The following MTOR variants were observed in gnomAD, a reference collection of about 807,000 sequenced individuals.
The protein encoded by MTOR is mechanistic target of rapamycin kinase, also known as serine/threonine-protein kinase mTOR.
A neutral mutation model predicts 319.8 loss-of-function variants in MTOR; 70 were observed. The ratio of observed to expected loss-of-function variants is 0.22; its 90% CI spans 0.18 to 0.27. The LOEUF (loss-of-function observed/expected upper bound fraction) is 0.27. Ranked by LOEUF, MTOR falls within the 10% of genes least tolerant of loss-of-function variation. The pLI is 1.00. For synonymous variants in MTOR, 1,183 were observed against 1,211.4 expected, an observed-to-expected ratio of 0.98 and a Z score of 0.49; for missense variants, 1,890 against 3,274.4, an observed-to-expected ratio of 0.58 and a Z score of 10.32.
intron 34 of MTOR, 186 bp downstream of exon 34, chr1:11,144,462 C>T (rs974659993): frequency 5.6e-6 from 3 of 539,820 alleles, no homozygotes; most frequent in African/African-American, 3.8e-5. Flanking sequence ...ATTGGTCATT[C>T]TCTCACAGCT....
rs1362014595 is a variant in MTOR at position 11,106,741 on chromosome 1, T to C, written c.*744A>G. The C allele has an allele frequency of 5.7e-6, 7 of 1,235,574 alleles. No homozygotes were observed. Among genetic ancestry groups the C allele is most frequent in the South Asian group, 3.6e-5 (2 of 55,808 alleles). The allele number at this position is 1,235,574 out of a possible 1,614,324, so 76.5% of individuals were successfully genotyped here. A position where few individuals can be genotyped will look rare whatever the true frequency, so the allele number is the denominator to read the frequency against. ...GAGCCCTTGCTCTAAACAGAGTATT[T>C]TGACCACTGAAAACATCCCAGAACC... On this transcript the variant is annotated 3_prime_UTR_variant, in exon 58 of 58. Coordinates refer to ENST00000361445, the MANE Select transcript of MTOR (RefSeq NM_004958.4).
chr1:11,249,931 G>A (rs1336318130), intron 6 of MTOR, among the ~76,000 whole-genome samples: 1 of 150,918 alleles, frequency 6.6e-6, no homozygotes, highest in East Asian at 2.0e-4. Flanking sequence ...ATGAGCCACT[G>A]GGCACACCTC....
intron 25 of MTOR, among the ~76,000 whole-genome samples, chr1:11,206,416 G>A (rs1324113613): frequency 2.0e-5 from 3 of 152,162 alleles, no homozygotes; most frequent in Non-Finnish European, 4.4e-5. Context: ...ATTGATGCTA[G>A]TTGACACTGG....
chr1:11,172,914 C>A (rs1479343464), intron 28 of MTOR, among the ~76,000 whole-genome samples: 1 of 150,790 alleles, frequency 6.6e-6, no homozygotes, highest in Non-Finnish European at 1.5e-5. Flanking sequence ...AAAATGAACA[C>A]TCTCGCTCTG....
chr1:11,217,185 A>G lies in MTOR; in HGVS notation c.3031-951T>C, dbSNP rs1646497649. 2.6e-5 allele frequency among the ~76,000 whole-genome samples: 4 copies of G among 152,172 alleles called. 1 individual carries two copies. In the South Asian group the frequency reaches 8.3e-4, roughly 32 times the overall value. On this transcript the variant is annotated intron_variant, in intron 19 of 57. Coordinates refer to ENST00000361445, the MANE Select transcript of MTOR (RefSeq NM_004958.4). ...ACTGGGGTAGGGATAGGATGAGGAG[A>G]TTCTACTGAAGTCAGTACCTTTTAG...
chr1:11,214,725 G>C (rs1646414427), intron 20 of MTOR, among the ~76,000 whole-genome samples: 1 of 152,200 alleles, frequency 6.6e-6, no homozygotes. Flanking sequence ...TCTACTTGGA[G>C]AGAAGTATTC....
intron 28 of MTOR, among the ~76,000 whole-genome samples, chr1:11,171,278 T>A (rs1644806095): frequency 6.6e-6 from 1 of 151,912 alleles, no homozygotes; most frequent in Admixed American, 6.6e-5. Flanking sequence ...CTATTTTCTT[T>A]TCTTCTTTCT....
intron 28 of MTOR, among the ~76,000 whole-genome samples, chr1:11,169,909 A>G (rs1644759002): frequency 6.6e-6 from 1 of 152,236 alleles, no homozygotes; most frequent in Admixed American, 6.5e-5. Flanking sequence ...GCTTGTCTGC[A>G]GAAATAACAT....
chr1:11,204,747 G>A (rs1438607386), intron 25 of MTOR, 44 bp from the exon 26 acceptor site: 1 of 1,581,010 alleles, frequency 6.3e-7, no homozygotes, highest in South Asian at 1.1e-5. Flanking sequence ...AGTTTCAAGG[G>A]CCAATTGAAA....
At chr1:11,217,681 G>A (rs902482110) in intron 19 of MTOR, among the ~76,000 whole-genome samples, 37 of 151,000 alleles carry the variant, frequency 2.5e-4, no homozygotes, top group Non-Finnish European at 4.4e-5. Context: ...AAAGTGCTGC[G>A]ATTACAGTCG....
At chr1:11,148,589 T>C (rs1170454890) in intron 31 of MTOR, among the ~76,000 whole-genome samples, 1 of 150,866 alleles carries the variant, frequency 6.6e-6, no homozygotes, top group Non-Finnish European at 1.5e-5. Flanking sequence ...AAGAGACTTC[T>C]CCTCATCTCT....
intron 28 of MTOR, among the ~76,000 whole-genome samples, chr1:11,176,356 C>T (rs1226836846): frequency 6.6e-6 from 1 of 152,186 alleles, no homozygotes; most frequent in African/African-American, 2.4e-5. Flanking sequence ...ATGCAAGCCT[C>T]TTCCACACAA....
chr1:11,183,773 G>A (rs912475777), intron 28 of MTOR, among the ~76,000 whole-genome samples: 10 of 151,964 alleles, frequency 6.6e-5, no homozygotes, highest in African/African-American at 2.4e-4. Context: ...TGTGGTGTGA[G>A]GTAACGATCA....
chr1:11,234,891 A>C (rs1295582325), intron 13 of MTOR, among the ~76,000 whole-genome samples: 1 of 152,204 alleles, frequency 6.6e-6, no homozygotes, highest in Admixed American at 6.5e-5. Flanking sequence ...TATCTTGCTC[A>C]TGGTGACATA....
At chr1:11,125,090 T>G (rs946068805) in intron 46 of MTOR, among the ~76,000 whole-genome samples, 1 of 151,860 alleles carries the variant, frequency 6.6e-6, no homozygotes, top group Non-Finnish European at 1.5e-5. Context: ...AAGCTACCAC[T>G]CTCTCTGGAC....
At chr1:11,174,865 C>T (rs1393070103) in intron 28 of MTOR, among the ~76,000 whole-genome samples, 4 of 152,146 alleles carry the variant, frequency 2.6e-5, no homozygotes, top group Admixed American at 2.6e-4. Flanking sequence ...AGCTCCAGCC[C>T]AACAGAAGAG....
intron 7 of MTOR, 39 bp downstream of exon 7, chr1:11,247,780 G>A: frequency 6.2e-7 from 1 of 1,612,996 alleles, no homozygotes; most frequent in Non-Finnish European, 8.5e-7. Context: ...GTGAGGTGTG[G>A]AGCTTAGGAA....
chr1:11,131,980 A>C (rs1163632447), intron 38 of MTOR: 1 of 152,210 alleles, frequency 6.6e-6, no homozygotes, highest in Non-Finnish European at 1.5e-5. Flanking sequence ...TATTCACTGA[A>C]TATCTCTTGT....
At position 11,194,428 on chromosome 1, in the gene MTOR, G is replaced by A. The variant is rs769091957; in HGVS notation, c.4253+4830C>T. 5.6e-6 allele frequency: 9 copies of A among 1,607,112 alleles called. No individual in the cohort carries two copies. In the Admixed American group the frequency reaches 1.2e-4, roughly 21 times the overall value. On this transcript the variant is annotated intron_variant, in intron 28 of 57. Transcript: ENST00000361445. ...GAGACAGCATGAAATGGAGCCTGCT[G>A]CACTTTCTTTAAGGCTCTGCTCCTC...
Sources: gnomAD v4.1 joint callset for allele counts (sites outside exome capture counted in the v4.1 genomes callset) on GRCh38, gnomAD v4.1.1 for gene constraint, MANE v1.5 for transcripts, NCBI Gene and HGNC (gene_info 2026-07-23, HGNC 2026-07-21) for gene names.